Variants in DZIP1 observed in about 807,000 individuals in gnomAD.
The protein encoded by DZIP1 is cilium assembly protein DZIP1.
A neutral mutation model predicts 107.6 loss-of-function variants in DZIP1; 97 were observed. The observed-to-expected ratio is 0.90, with a 90% CI of 0.77 to 1.07. The LOEUF is 1.07. DZIP1 is among the 50% of genes least tolerant of loss of function. The probability of loss-of-function intolerance (pLI) is 0.00; values close to 1 mark genes in which losing one functional copy is unlikely to be tolerated. For missense variants in DZIP1, 1,035 were observed against 1,063.6 expected (o/e 0.97, Z 0.37); for synonymous variants, 390 against 386.4 (o/e 1.01, Z -0.11).
At position 95,641,529 on chromosome 13, in the gene DZIP1, G is replaced by C; in HGVS notation, c.363C>G (p.Ile121Met). 6.2e-7 allele frequency: 1 copy of C among 1,614,062 alleles called. No individual in the cohort carries two copies. The highest frequency in any genetic ancestry group is 8.5e-7 in the Non-Finnish European group (1 of 1,180,044). Residue 121 changes from isoleucine (I) to methionine (M), a missense_variant, in exon 5 of 23, where the codon ATC becomes ATG. Transcript: ENST00000376829. The surrounding 1 kb of genome is among the most constrained non-coding windows in gnomAD (Gnocchi z 4.3). ...ACTCGATGGTGAACTGCGCCAGACGGATGAGCTTCAGCAGCACCGGGTCCA... is the reference window on the plus strand; with the variant it reads ...ACTCGATGGTGAACTGCGCCAGACGCATGAGCTTCAGCAGCACCGGGTCCA... ...SGVDPVLLKL[I>M]RLAQFTIEYL...
In DZIP1 at chr13:95,642,038, C is replaced by A; in HGVS notation, c.-9G>T. ...GCTGCCTCAGCTTGCATAGGAGGAG[C>A]CGGGCGGTCTTTACCCAGCCTGGGC... On this transcript the variant is annotated 5_prime_UTR_variant, in exon 4 of 23. Coordinates refer to ENST00000376829, the MANE Select transcript of DZIP1 (RefSeq NM_198968.4). 6.4e-7 allele frequency: 1 copy of A among 1,567,840 alleles called. No individual in the cohort carries two copies. The highest frequency in any genetic ancestry group is 1.1e-5 in the South Asian group (1 of 87,042).
intron 16 of DZIP1, among the ~76,000 whole-genome samples, chr13:95,593,554 T>TG (rs1455111303): frequency 6.6e-6 from 1 of 152,236 alleles, no homozygotes; most frequent in Admixed American, 6.5e-5. Context: ...AATGAAGTGC[T>TG]GGTTTTGTAA....
intron 10 of DZIP1, among the ~76,000 whole-genome samples, chr13:95,615,796 G>A (rs922172598): frequency 2.0e-5 from 3 of 152,166 alleles, no homozygotes; most frequent in Non-Finnish European, 2.9e-5. Flanking sequence ...ACCAGTGACC[G>A]TGGGCAACAC....
In DZIP1 at chr13:95,642,130, G is replaced by C. The variant is rs1172872356; in HGVS notation, c.-101C>G. On this transcript the variant is annotated 5_prime_UTR_variant, in exon 4 of 23. Coordinates refer to ENST00000376829, the MANE Select transcript of DZIP1 (RefSeq NM_198968.4). ...GAAGGCCGGGTTCCTCGCTTCCGCGGCGGCGGCGGCCTAAGGTCTGGGCGT... is the reference window on the plus strand; with the variant it reads ...GAAGGCCGGGTTCCTCGCTTCCGCGCCGGCGGCGGCCTAAGGTCTGGGCGT... 31 of 1,401,904 alleles carry C rather than the reference G, an allele frequency of 2.2e-5. No individual in the cohort carries two copies. The highest frequency in any genetic ancestry group is 2.9e-5 in the Non-Finnish European group (31 of 1,078,432). The allele number at this position is 1,401,904 out of a possible 1,614,324, so 86.8% of individuals were successfully genotyped here.
At chr13:95,618,506 C>T (rs991246104) in intron 10 of DZIP1, among the ~76,000 whole-genome samples, 2 of 152,216 alleles carry the variant, frequency 1.3e-5, no homozygotes, top group African/African-American at 4.8e-5. Flanking sequence ...ATGATACAAT[C>T]TTAAAGGTAG....
At chr13:95,596,017 C>T (rs1190394983) in intron 15 of DZIP1, among the ~76,000 whole-genome samples, 1 of 152,128 alleles carries the variant, frequency 6.6e-6, no homozygotes, top group East Asian at 1.9e-4. Flanking sequence ...TTCCCCCTGT[C>T]CTCAAATTCA....
Position 95,609,492 on chromosome 13 carries a change from GC to G in DZIP1, c.1384del (p.Ala462LeufsTer13). The G allele has an allele frequency of 1.3e-6, 2 of 1,587,684 alleles. No individual in the cohort carries two copies. The highest frequency in any genetic ancestry group is 1.7e-6 in the Non-Finnish European group (2 of 1,167,804). ...TGGAGCAGCTGGCTGAGATTCAAAA[GC>G]CTGCCAGGCTAAAGGATTTCCTGAA... ...EPKGNPLAWQ[A>X]FESQPAAPAV... is the part of the protein sequence containing the mutation. On this transcript the variant is annotated frameshift_variant, in exon 13 of 23. Transcript: ENST00000376829. LOFTEE classifies it high-confidence loss of function.
In DZIP1 at chr13:95,599,457, C is replaced by G. The variant is rs574306487; in HGVS notation, c.1478-33G>C. ...CAAGGAAAAATAAGAACAGTACAAA[C>G]AGGACAACAGCAAAGTTACATTAGT... is the stretch of plus-strand genomic sequence containing the variant. On this transcript the variant is annotated intron_variant, in intron 14 of 22. Coordinates refer to ENST00000376829, the MANE Select transcript of DZIP1 (RefSeq NM_198968.4). 4.7e-5 allele frequency: 71 copies of G among 1,526,124 alleles called. 3 individuals carry two copies. In the Admixed American group the frequency reaches 5.0e-4, roughly 11 times the overall value. 94.5% of individuals were successfully genotyped at this position (1,526,124 alleles called of 1,614,324 possible). A position where few individuals can be genotyped will look rare whatever the true frequency, so the allele number is the denominator to read the frequency against.
At chr13:95,627,629 C>T (rs1876699759) in intron 7 of DZIP1, among the ~76,000 whole-genome samples, 1 of 152,090 alleles carries the variant, frequency 6.6e-6, no homozygotes, top group Non-Finnish European at 1.5e-5. Context: ...ATTAAGAAAA[C>T]AGAAAAGTAT....
chr13:95,604,296 G>C (rs1015390583), intron 14 of DZIP1, among the ~76,000 whole-genome samples: 2 of 152,232 alleles, frequency 1.3e-5, no homozygotes, highest in African/African-American at 2.4e-5. Flanking sequence ...GAGTGAACAG[G>C]CGAATAAACA....
At chr13:95,615,414 G>A (rs1489376032) in intron 10 of DZIP1, among the ~76,000 whole-genome samples, 1 of 152,162 alleles carries the variant, frequency 6.6e-6, no homozygotes, top group African/African-American at 2.4e-5. Context: ...AATAAGAGTA[G>A]GGATTTTAAT....
intron 13 of DZIP1, 32 bp downstream of exon 13, chr13:95,609,425 T>A: frequency 6.9e-7 from 1 of 1,442,996 alleles, no homozygotes; most frequent in Non-Finnish European, 9.2e-7. Context: ...TAAAGATACC[T>A]TTGGAGCCCT....
intron 15 of DZIP1, among the ~76,000 whole-genome samples, chr13:95,595,108 T>C (rs1388403497): frequency 6.6e-6 from 1 of 152,238 alleles, no homozygotes; most frequent in Non-Finnish European, 1.5e-5. Flanking sequence ...CACCAAAGGG[T>C]GGCATCAAAT....
intron 6 of DZIP1, 34 bp downstream of exon 6, chr13:95,633,200 A>G: frequency 6.3e-7 from 1 of 1,587,606 alleles, no homozygotes; most frequent in Non-Finnish European, 8.6e-7. Flanking sequence ...GGGAGCAGGA[A>G]GAAAAGAGCT....
At chr13:95,625,214 A>G (rs754367763) in intron 7 of DZIP1, among the ~76,000 whole-genome samples, 3 of 152,216 alleles carry the variant, frequency 2.0e-5, no homozygotes, top group African/African-American at 4.8e-5. Flanking sequence ...AAGTCATGCC[A>G]TAATATATAA....
intron 10 of DZIP1, among the ~76,000 whole-genome samples, chr13:95,616,234 G>C (rs906532989): frequency 3.3e-5 from 5 of 152,152 alleles, no homozygotes; most frequent in African/African-American, 1.2e-4. Context: ...ATTGCCACGG[G>C]GGAAGCTCCC....
At position 95,590,270 on chromosome 13, in the gene DZIP1, C is replaced by T; in HGVS notation, c.1843+9G>A. On this transcript the variant is annotated intron_variant, in intron 17 of 22. Coordinates refer to ENST00000376829, the MANE Select transcript of DZIP1 (RefSeq NM_198968.4). ...TTAAGCTCCCATTTGCAGTGGGTAACAAGCTTACCTGAAGAGAGTAGTGCT... is the reference window on the plus strand; with the variant it reads ...TTAAGCTCCCATTTGCAGTGGGTAATAAGCTTACCTGAAGAGAGTAGTGCT... The T allele has an allele frequency of 6.3e-7, 1 of 1,592,684 alleles. No homozygotes were observed. The highest frequency in any genetic ancestry group is 8.5e-7 in the Non-Finnish European group (1 of 1,172,780).
Position 95,612,070 on chromosome 13 carries a change from C to T in DZIP1, c.1281G>A (p.Glu427=). 2 of 1,613,834 alleles carry T rather than the reference C, an allele frequency of 1.2e-6. No individual in the cohort carries two copies. The highest frequency in any genetic ancestry group is 2.2e-5 in the East Asian group (1 of 44,882). Residue 427 remains glutamate (E), a synonymous_variant, in exon 11 of 23, where the codon GAG becomes GAA. Transcript: ENST00000376829. The part of the protein sequence containing the change: ...RIEELGQRLQ[E]QNELIITQRQ... ...TCTGAGTTATAATCAGCTCATTCTG[C>T]TCCTGGAGTCTCTGCCCTAGCTCTT...
intron 22 of DZIP1, chr13:95,584,482 A>AAAAAAT (rs1425366529): frequency 2.9e-6 from 2 of 683,978 alleles, no homozygotes; most frequent in African/African-American, 1.9e-5. Context: ...TTTCAAAAAC[A>AAAAAAT]AAAAATAAAA....
Sources: allele counts gnomAD v4.1 joint callset (sites outside exome capture counted in the v4.1 genomes callset), GRCh38; gene constraint gnomAD v4.1.1; non-coding constraint Gnocchi (gnomAD v3.1); transcripts MANE v1.5; gene names NCBI Gene and HGNC (gene_info 2026-07-23, HGNC 2026-07-21).